The following COBLL1 variants were observed in gnomAD, a reference collection of about 807,000 sequenced individuals.
COBLL1 encodes the protein cordon-bleu WH2 repeat protein like 1, also known as cordon-bleu protein-like 1.
In COBLL1, 50 loss-of-function variants were observed where a neutral mutation model predicts 94.8. That is an observed-to-expected ratio of 0.53 (90% CI 0.42 to 0.67). The LOEUF (loss-of-function observed/expected upper bound fraction) is 0.67. Ranked by LOEUF, COBLL1 falls within the 30% of genes least tolerant of loss-of-function variation. The pLI, the probability that COBLL1 is intolerant of heterozygous loss-of-function variation, is 0.00. For missense variants in COBLL1, 1,362 were observed against 1,348.7 expected, an observed-to-expected ratio of 1.01 and a Z score of -0.15; for synonymous variants, 448 against 473.8, an observed-to-expected ratio of 0.95 and a Z score of 0.71.
Position 164,710,356 on chromosome 2 carries a change from C to A in COBLL1, c.997-5251G>T, listed in dbSNP as rs116111254. ...GTAGCCAGGAAAGCACATGTATACA[C>A]TGGGATTTACAGAGAATATACATAT... is the stretch of plus-strand genomic sequence containing the variant. On this transcript the variant is annotated intron_variant, in intron 7 of 13. Coordinates refer to ENST00000652658, the MANE Select transcript of COBLL1 (RefSeq NM_001365672.2). 3.3e-3 allele frequency among the ~76,000 whole-genome samples: 498 copies of A among 152,198 alleles called. 6 individuals carry two copies. The highest frequency in any genetic ancestry group is 0.011 in the African/African-American group (463 of 41,514).
intron 2 of COBLL1, among the ~76,000 whole-genome samples, chr2:164,809,026 G>A (rs1255758883): frequency 6.6e-6 from 1 of 152,086 alleles, no homozygotes; most frequent in East Asian, 1.9e-4. Context: ...TTAATCACCA[G>A]ACTGTCATCC....
intron 2 of COBLL1, among the ~76,000 whole-genome samples, chr2:164,793,525 T>C (rs1683294885): frequency 6.6e-6 from 1 of 152,202 alleles, no homozygotes; most frequent in Non-Finnish European, 1.5e-5. Flanking sequence ...ATGATAATAT[T>C]ATGCCCTAAT....
At chr2:164,832,116 G>A (rs1342198043) in intron 2 of COBLL1, among the ~76,000 whole-genome samples, 2 of 152,034 alleles carry the variant, frequency 1.3e-5, no homozygotes, top group African/African-American at 4.8e-5. Context: ...ATACTTCCTC[G>A]CTTCCATTTC....
chr2:164,818,268 G>GTATA (rs1684903525), intron 2 of COBLL1, among the ~76,000 whole-genome samples: 3 of 100,172 alleles, frequency 3.0e-5, no homozygotes, highest in African/African-American at 1.3e-4. Flanking sequence ...ACATATACAC[G>GTATA]TATGTATGTA....
In COBLL1 at chr2:164,740,889, G is replaced by C. The variant is rs75814189; in HGVS notation, c.230+2798C>G. 8.2e-3 allele frequency among the ~76,000 whole-genome samples: 1,242 copies of C among 151,002 alleles called. 13 individuals carry two copies. Among genetic ancestry groups the C allele is most frequent in the African/African-American group, 0.029 (1,175 of 40,638 alleles). ...AATGAGGCTAGTGAGTTACACGAGG[G>C]GGGGAAAAGTTCATAAACGTATTGA... On this transcript the variant is annotated intron_variant, in intron 3 of 13. Coordinates refer to ENST00000652658, the MANE Select transcript of COBLL1 (RefSeq NM_001365672.2).
chr2:164,680,647 G>A lies in COBLL1; in HGVS notation c.*5299C>T, dbSNP rs1177302370. 2 of 152,080 alleles carry A rather than the reference G, an allele frequency of 1.3e-5. No individual in the cohort carries two copies. Among genetic ancestry groups the A allele is most frequent in the Non-Finnish European group, 2.9e-5 (2 of 68,012 alleles). 9.4% of individuals were successfully genotyped at this position (152,080 alleles called of 1,614,324 possible). A position where few individuals can be genotyped will look rare whatever the true frequency, so the allele number is the denominator to read the frequency against. ...AGGTTTTCAATGAAATAGCACAGTTGCCAGATTTAGCTAAGAAAAATACAG... is the reference window on the plus strand; with the variant it reads ...AGGTTTTCAATGAAATAGCACAGTTACCAGATTTAGCTAAGAAAAATACAG... On this transcript the variant is annotated 3_prime_UTR_variant, in exon 14 of 14. Coordinates refer to ENST00000652658, the MANE Select transcript of COBLL1 (RefSeq NM_001365672.2).
Position 164,722,057 on chromosome 2 carries a change from G to C in COBLL1, c.996+18C>G, listed in dbSNP as rs368983026. On this transcript the variant is annotated intron_variant, in intron 7 of 13. Transcript: ENST00000652658. Reference sequence around the variant, plus strand: ...CTGCCTCATCCAAAAAAACAAAATAGAAAACAAAACTACACACCTTATCTG... The same window carrying C: ...CTGCCTCATCCAAAAAAACAAAATACAAAACAAAACTACACACCTTATCTG... 3 of 1,536,494 alleles carry C rather than the reference G, an allele frequency of 2.0e-6. No homozygotes were observed. In the African/African-American group the frequency reaches 4.2e-5, roughly 21 times the overall value.
intron 3 of COBLL1, among the ~76,000 whole-genome samples, chr2:164,732,516 T>A (rs1296570802): frequency 6.6e-6 from 1 of 152,222 alleles, no homozygotes; most frequent in East Asian, 1.9e-4. Flanking sequence ...GATTAGGTAA[T>A]GTCTAGTTAT....
chr2:164,797,783 C>T (rs907990883), intron 2 of COBLL1, among the ~76,000 whole-genome samples: 6 of 152,158 alleles, frequency 3.9e-5, no homozygotes, highest in African/African-American at 9.7e-5. Flanking sequence ...AAGTGAACAC[C>T]TTCTTCCTCC....
Position 164,730,097 on chromosome 2 carries a change from C to A in COBLL1, c.249G>T (p.Leu83Phe). 2 of 1,613,600 alleles carry A rather than the reference C, an allele frequency of 1.2e-6. No individual in the cohort carries two copies. The highest frequency in any genetic ancestry group is 1.7e-6 in the Non-Finnish European group (2 of 1,179,602). ...GATACTGTGCACAAAGGAATATCAACAAGTCCATCATAGGTTTACTGTAAA... is the reference window on the plus strand; with the variant it reads ...GATACTGTGCACAAAGGAATATCAAAAAGTCCATCATAGGTTTACTGTAAA... ...TVHGSKPMMDLLIFLCAQYHL... is the reference protein window; with the variant it reads ...TVHGSKPMMDFLIFLCAQYHL... Residue 83 changes from leucine (L) to phenylalanine (F), a missense_variant, in exon 4 of 14, where the codon TTG becomes TTT. Leu to Phe is a conservative substitution (Grantham distance 22). Transcript: ENST00000652658.
At chr2:164,713,799 C>CTGAAA (rs1484437648) in intron 7 of COBLL1, among the ~76,000 whole-genome samples, 8 of 152,076 alleles carry the variant, frequency 5.3e-5, no homozygotes, top group Non-Finnish European at 1.0e-4. Context: ...TGTTATTGTA[C>CTGAAA]TTTAAGTTTC....
At chr2:164,731,073 T>C (rs1329519616) in intron 3 of COBLL1, among the ~76,000 whole-genome samples, 1 of 152,154 alleles carries the variant, frequency 6.6e-6, no homozygotes, top group Non-Finnish European at 1.5e-5. Flanking sequence ...TTTTTGTAAA[T>C]ACAGTTGTAT....
At chr2:164,740,683 G>A (rs982587888) in intron 3 of COBLL1, among the ~76,000 whole-genome samples, 12 of 152,056 alleles carry the variant, frequency 7.9e-5, no homozygotes, top group African/African-American at 2.9e-4. Context: ...ATATTCTCAT[G>A]GCTCTGTGGT....
At chr2:164,774,581 A>G (rs1210053999) in intron 2 of COBLL1, among the ~76,000 whole-genome samples, 2 of 152,206 alleles carry the variant, frequency 1.3e-5, no homozygotes, top group Non-Finnish European at 2.9e-5. Flanking sequence ...CAGAAGCATT[A>G]TTTCTTCTTC....
At chr2:164,749,092 T>C (rs1191999486) in intron 2 of COBLL1, among the ~76,000 whole-genome samples, 11 of 152,050 alleles carry the variant, frequency 7.2e-5, no homozygotes. Context: ...ATAATATCCT[T>C]AAAATAGATA....
intron 2 of COBLL1, among the ~76,000 whole-genome samples, chr2:164,822,734 ATAT>A (rs199529383): frequency 0.23 from 32,072 of 138,690 alleles, 3,249 homozygotes; most frequent in East Asian, 0.34. Flanking sequence ...AGATTATATT[ATAT>A]TATTATTATT....
rs5835990 is a variant in COBLL1 at position 164,720,277 on chromosome 2, T to TA, written c.996+1797dup. Among the ~76,000 whole-genome samples, 28 of 149,944 alleles carry TA rather than the reference T, an allele frequency of 1.9e-4. 2 individuals carry two copies. In the South Asian group the frequency reaches 2.1e-3, roughly 11 times the overall value. Reference sequence around the variant, plus strand: ...GTGTAGTTTGCCAAAGGCAACATACTAAAAAAAAAAAGATTACTTAACACA... The same window carrying TA: ...GTGTAGTTTGCCAAAGGCAACATACTAAAAAAAAAAAAGATTACTTAACACA... On this transcript the variant is annotated intron_variant, in intron 7 of 13. Coordinates refer to ENST00000652658, the MANE Select transcript of COBLL1 (RefSeq NM_001365672.2).
chr2:164,706,370 G>A (rs1288553900), intron 7 of COBLL1, among the ~76,000 whole-genome samples: 1 of 152,128 alleles, frequency 6.6e-6, no homozygotes, highest in East Asian at 1.9e-4. Flanking sequence ...ATCAACACTG[G>A]TGTGACACAG....
rs530935832 is a variant in COBLL1 at position 164,684,809 on chromosome 2, G to A, written c.*1137C>T. The A allele has an allele frequency of 1.3e-5, 2 of 152,076 alleles. No individual in the cohort carries two copies. The highest frequency in any genetic ancestry group is 6.6e-5 in the Admixed American group (1 of 15,254). 9.4% of individuals were successfully genotyped at this position (152,076 alleles called of 1,614,324 possible). A position where few individuals can be genotyped will look rare whatever the true frequency, so the allele number is the denominator to read the frequency against. On this transcript the variant is annotated 3_prime_UTR_variant, in exon 14 of 14. Coordinates refer to ENST00000652658, the MANE Select transcript of COBLL1 (RefSeq NM_001365672.2). ...AAATTGAAAAAAAAATCCCCAAGAG[G>A]CAGATATCCCAGTAGTTTTAGTGAA... is the stretch of plus-strand genomic sequence containing the variant.
Sources: gnomAD v4.1 joint callset for allele counts (sites outside exome capture counted in the v4.1 genomes callset) on GRCh38, gnomAD v4.1.1 for gene constraint, MANE v1.5 for transcripts, NCBI Gene and HGNC (gene_info 2026-07-23, HGNC 2026-07-21) for gene names.